The following MGAT4C variants were observed in gnomAD, a reference collection of about 807,000 sequenced individuals.
The protein encoded by MGAT4C is alpha-1,3-mannosyl-glycoprotein 4-beta-N-acetylglucosaminyltransferase C.
Under a neutral mutation model 40.1 loss-of-function variants are expected in MGAT4C, and 19 were observed. The observed-to-expected ratio is 0.47, with a 90% confidence interval of 0.33 to 0.70. MGAT4C has a LOEUF of 0.70. Ranked by LOEUF, MGAT4C falls within the 30% of genes least tolerant of loss-of-function variation. The pLI, the probability that MGAT4C is intolerant of heterozygous loss-of-function variation, is 0.02. For synonymous variants in MGAT4C, 181 were observed against 187.1 expected (o/e 0.97, Z 0.27); for missense variants, 491 against 563.2 (o/e 0.87, Z 1.30).
chr12:86,250,476 T>G (rs1323679841), intron 1 of MGAT4C, among the ~76,000 whole-genome samples: 1 of 151,472 alleles, frequency 6.6e-6, no homozygotes, highest in Non-Finnish European at 1.5e-5. Flanking sequence ...CTATCACCAC[T>G]TCATCACCAA....
intron 2 of MGAT4C, among the ~76,000 whole-genome samples, chr12:86,493,452 G>C (rs1223875954): frequency 6.6e-6 from 1 of 152,068 alleles, no homozygotes; most frequent in African/African-American, 2.4e-5. Context: ...ATACACCATG[G>C]AATACCATGC....
At chr12:86,662,576 C>A (rs956813641) in intron 2 of MGAT4C, among the ~76,000 whole-genome samples, 1 of 152,066 alleles carries the variant, frequency 6.6e-6, no homozygotes. Flanking sequence ...CTATTCCTTA[C>A]TGATTGTGAT....
At chr12:86,801,154 T>C (rs903949527) in intron 1 of MGAT4C, among the ~76,000 whole-genome samples, 2 of 151,820 alleles carry the variant, frequency 1.3e-5, no homozygotes, top group Admixed American at 1.3e-4. Flanking sequence ...AGGGAGGACA[T>C]TGTTTAGGAA....
At position 86,629,022 on chromosome 12, in the gene MGAT4C, G is replaced by C. The variant is rs571393712; in HGVS notation, c.-229+98187C>G. 5.1e-4 allele frequency among the ~76,000 whole-genome samples: 77 copies of C among 152,016 alleles called. 1 individual carries two copies. The highest frequency in any genetic ancestry group is 1.7e-3 in the African/African-American group (70 of 41,460). On this transcript the variant is annotated intron_variant, in intron 2 of 7. Transcript: ENST00000548651. The stretch of plus-strand genomic sequence containing the variant: ...ATTCAGGAGACCCATTTCATATGCA[G>C]AGACACACATAGGCTCAAAATAAAG...
rs1883307550 is a variant in MGAT4C, at chr12:85,965,421, C to G, written c.*13868G>C. 1.3e-5 allele frequency: 2 copies of G among 151,890 alleles called. No individual in the cohort carries two copies. Among genetic ancestry groups the G allele is most frequent in the African/African-American group, 4.8e-5 (2 of 41,392 alleles). The allele number at this position is 151,890 out of a possible 1,614,324, so 9.4% of individuals were successfully genotyped here. On this transcript the variant is annotated 3_prime_UTR_variant, in exon 5 of 5. Coordinates refer to ENST00000611864, the MANE Select transcript of MGAT4C (RefSeq NM_001351288.2). ...GAGCATCCTGGCTAACAAGGTGAAA[C>G]CCCGTCTCTACTAAAAATACAAAAA...
intron 1 of MGAT4C, among the ~76,000 whole-genome samples, chr12:86,760,441 G>A (rs960403329): frequency 6.6e-6 from 1 of 151,840 alleles, no homozygotes; most frequent in Non-Finnish European, 1.5e-5. Flanking sequence ...TGTAAAATGA[G>A]TGATTCAAAT....
At chr12:86,694,610 T>C (rs1277294488) in intron 2 of MGAT4C, among the ~76,000 whole-genome samples, 1 of 152,180 alleles carries the variant, frequency 6.6e-6, no homozygotes, top group Non-Finnish European at 1.5e-5. Context: ...AAATATGTCA[T>C]GTCAGGGTCA....
intron 2 of MGAT4C, among the ~76,000 whole-genome samples, chr12:86,020,632 C>T (rs1215888223): frequency 1.3e-5 from 2 of 152,060 alleles, no homozygotes; most frequent in African/African-American, 4.8e-5. Flanking sequence ...CCATAAAAAC[C>T]CTAGAAGAAA....
chr12:86,511,292 C>T (rs966580814), intron 2 of MGAT4C, among the ~76,000 whole-genome samples: 4 of 151,970 alleles, frequency 2.6e-5, no homozygotes, highest in African/African-American at 7.3e-5. Context: ...TTGAAACCAA[C>T]GAGAACAAAG....
chr12:86,386,392 C>T (rs1956052382), intron 3 of MGAT4C, among the ~76,000 whole-genome samples: 1 of 152,102 alleles, frequency 6.6e-6, no homozygotes, highest in Non-Finnish European at 1.5e-5. Context: ...ATGGGGCCTG[C>T]CTCTGATTTC....
intron 2 of MGAT4C, among the ~76,000 whole-genome samples, chr12:86,673,633 A>G (rs1964319369): frequency 6.6e-6 from 1 of 152,222 alleles, no homozygotes; most frequent in Non-Finnish European, 1.5e-5. Context: ...AACTTGCTTT[A>G]GATAAACTTT....
At position 86,363,147 on chromosome 12, in the gene MGAT4C, TATATA is replaced by T. The variant is rs373374373; in HGVS notation, c.-119-29025_-119-29021del. ...CAAGTACACAGAAAATAAGCCAGGG[TATATA>T]ATATATTATCAATATTATTAAACAA... On this transcript the variant is annotated intron_variant, in intron 3 of 7. Transcript: ENST00000548651. Among the ~76,000 whole-genome samples, 493 of 152,154 alleles carry T rather than the reference TATATA, an allele frequency of 3.2e-3. 2 individuals are homozygous for T. Among genetic ancestry groups the T allele is most frequent in the African/African-American group, 0.012 (480 of 41,552 alleles).
At chr12:86,565,703 T>A (rs550256887) in intron 2 of MGAT4C, among the ~76,000 whole-genome samples, 31 of 152,306 alleles carry the variant, frequency 2.0e-4, no homozygotes, top group African/African-American at 6.3e-4. Context: ...CCTCTCTGAG[T>A]GGTCAAAAAC....
Position 86,342,085 on chromosome 12 carries a change from C to T in MGAT4C, c.-119-7958G>A, listed in dbSNP as rs184128287. Among the ~76,000 whole-genome samples the T allele has an allele frequency of 6.6e-5, 10 of 152,162 alleles. No homozygotes were observed. The East Asian group carries it at 1.9e-3, about 30-fold the overall frequency. ...GGGACCTCTCAACTGGGGTCTCCAGCCATTTCTTATACATGCTTATAGGCT... is the reference window on the plus strand; with the variant it reads ...GGGACCTCTCAACTGGGGTCTCCAGTCATTTCTTATACATGCTTATAGGCT... On this transcript the variant is annotated intron_variant, in intron 3 of 7. Coordinates refer to the MGAT4C transcript ENST00000548651.
chr12:86,594,799 G>T (rs939320579), intron 2 of MGAT4C, among the ~76,000 whole-genome samples: 4 of 152,208 alleles, frequency 2.6e-5, no homozygotes, highest in South Asian at 2.1e-4. Context: ...AACTAAATTG[G>T]TTACAACAAA....
chr12:86,237,147 C>T (rs998117676), intron 1 of MGAT4C, among the ~76,000 whole-genome samples: 1 of 151,586 alleles, frequency 6.6e-6, no homozygotes, highest in Non-Finnish European at 1.5e-5. Context: ...ACACACACCA[C>T]ACATACACAC....
intron 2 of MGAT4C, among the ~76,000 whole-genome samples, chr12:86,034,761 G>T (rs556350082): frequency 2.0e-5 from 3 of 149,172 alleles, no homozygotes; most frequent in African/African-American, 7.3e-5. Flanking sequence ...TCCGGTGTGT[G>T]ATGTTCCCCT....
At chr12:86,005,200 G>A (rs1280777860) in intron 2 of MGAT4C, among the ~76,000 whole-genome samples, 1 of 152,152 alleles carries the variant, frequency 6.6e-6, no homozygotes, top group Non-Finnish European at 1.5e-5. Context: ...ACATTGGGCA[G>A]AGAAGCCATT....
At chr12:86,529,492 T>A (rs1465528220) in intron 2 of MGAT4C, among the ~76,000 whole-genome samples, 1 of 151,936 alleles carries the variant, frequency 6.6e-6, no homozygotes. Context: ...GGCAGGCAAT[T>A]TTTTTTTCTT....
Sources: gnomAD v4.1 joint callset for allele counts (sites outside exome capture counted in the v4.1 genomes callset) on GRCh38, gnomAD v4.1.1 for gene constraint, MANE v1.5 for transcripts, NCBI Gene and HGNC (gene_info 2026-07-23, HGNC 2026-07-21) for gene names.